The following SH3BP2 variants were observed in gnomAD, a reference collection of about 807,000 sequenced individuals.
The protein encoded by SH3BP2 is SH3 domain-binding protein 2.
SH3BP2 carries 38 observed loss-of-function variants against 56.2 expected under a neutral mutation model. The ratio of observed to expected loss-of-function variants is 0.68; its 90% CI spans 0.52 to 0.89. The LOEUF is 0.89. Ranked by LOEUF, SH3BP2 falls within the 40% of genes least tolerant of loss-of-function variation. SH3BP2 has a pLI of 0.00. For synonymous variants in SH3BP2, 346 were observed against 316.7 expected (o/e 1.09, Z -0.98); for missense variants, 748 against 762.6 (o/e 0.98, Z 0.23).
chr4:2,834,808 T>C lies in SH3BP2; in HGVS notation c.*974T>C, dbSNP rs1445925712. 6.6e-6 allele frequency: 1 copy of C among 152,318 alleles called. No individual in the cohort carries two copies. The highest frequency in any genetic ancestry group is 2.1e-4 in the South Asian group (1 of 4,830). The allele number at this position is 152,318 out of a possible 1,614,324, so 9.4% of individuals were successfully genotyped here. ...GTTCACAGCCCAGTCTGGGGACAGCTGGGTATGAGGTGCTTACGGCACAGT... is the reference window on the plus strand; with the variant it reads ...GTTCACAGCCCAGTCTGGGGACAGCCGGGTATGAGGTGCTTACGGCACAGT... On this transcript the variant is annotated 3_prime_UTR_variant, in exon 13 of 13. Transcript: ENST00000503393.
intron 1 of SH3BP2, among the ~76,000 whole-genome samples, chr4:2,807,675 C>T (rs1051473743): frequency 2.0e-5 from 3 of 152,184 alleles, no homozygotes; most frequent in Non-Finnish European, 4.4e-5. Context: ...GGAAAGCAGG[C>T]GCCGCACCCC....
intron 1 of SH3BP2, chr4:2,799,103 G>A (rs1043862538): frequency 5.1e-6 from 5 of 985,446 alleles, no homozygotes; most frequent in Non-Finnish European, 6.0e-6. Flanking sequence ...CCCGCCACCC[G>A]TACCCGCCCT....
In SH3BP2 at chr4:2,834,078, C is replaced by T; in HGVS notation, c.*244C>T. The T allele has an allele frequency of 1.9e-6, 1 of 530,478 alleles. No homozygotes were observed. The highest frequency in any genetic ancestry group is 3.4e-6 in the Non-Finnish European group (1 of 296,970). 32.9% of individuals were successfully genotyped at this position (530,478 alleles called of 1,614,324 possible). A position where few individuals can be genotyped will look rare whatever the true frequency, so the allele number is the denominator to read the frequency against. The stretch of plus-strand genomic sequence containing the variant: ...GTTGCCCCACACTAACTTGCCCTGT[C>T]CCAATCCCAGAAACCCAGGACCAAG... On this transcript the variant is annotated 3_prime_UTR_variant, in exon 13 of 13. Coordinates refer to ENST00000503393, the MANE Select transcript of SH3BP2 (RefSeq NM_001122681.2).
At chr4:2,800,557 C>CG (rs966569636) in intron 1 of SH3BP2, among the ~76,000 whole-genome samples, 4 of 151,984 alleles carry the variant, frequency 2.6e-5, no homozygotes, top group South Asian at 2.1e-4. Context: ...CCGCCCCCCC[C>CG]CCGGGCTGAT....
chr4:2,813,391 T>C (rs1392328041), intron 1 of SH3BP2, among the ~76,000 whole-genome samples: 1 of 152,202 alleles, frequency 6.6e-6, no homozygotes, highest in Non-Finnish European at 1.5e-5. Flanking sequence ...TGTTGGATGA[T>C]GGGGCGATCA....
At chr4:2,821,533 A>C (rs1724304832) in intron 2 of SH3BP2, among the ~76,000 whole-genome samples, 1 of 152,160 alleles carries the variant, frequency 6.6e-6, no homozygotes, top group Non-Finnish European at 1.5e-5. Flanking sequence ...TCTCACTGGC[A>C]AACTCTCCGG....
rs1259759373 is a variant in SH3BP2, at chr4:2,829,671, G to A, written c.765G>A (p.Lys255=). Residue 255 remains lysine (K), a synonymous_variant, in exon 8 of 13, where the codon AAG becomes AAA. Transcript: ENST00000503393. The surrounding 1 kb of genome is among the most constrained non-coding windows in gnomAD (Gnocchi z 4.9). ...TTGGCCTGGCTGCTGAGGACTCCAA[G>A]AGGGACCCACTGTGCCCGAGGCGGG... The part of the protein sequence containing the change: ...PDVGLAAEDS[K]RDPLCPRRAE... The A allele has an allele frequency of 3.1e-6, 5 of 1,613,020 alleles. No individual in the cohort carries two copies. The highest frequency in any genetic ancestry group is 1.1e-5 in the South Asian group (1 of 91,078).
chr4:2,804,152 G>T (rs571349183), intron 1 of SH3BP2, among the ~76,000 whole-genome samples: 2 of 152,140 alleles, frequency 1.3e-5, no homozygotes, highest in African/African-American at 2.4e-5. Flanking sequence ...CAGCTGCCTG[G>T]TGGGTTCCAC....
In SH3BP2 at chr4:2,799,104, T is replaced by TACCCGC. The variant is rs1486986700; in HGVS notation, c.-5+5967_-5+5972dup. On this transcript the variant is annotated intron_variant, in intron 1 of 12. Coordinates refer to ENST00000503393, the MANE Select transcript of SH3BP2 (RefSeq NM_001122681.2). ...AGCCTCAGCCTCCACCCGCCACCCG[T>TACCCGC]ACCCGCCCTGCCTCAGGACTTCGTT... 4 of 985,490 alleles carry TACCCGC rather than the reference T, an allele frequency of 4.1e-6. No homozygotes were observed. In the Admixed American group the frequency reaches 2.5e-4, roughly 61 times the overall value. 61.0% of individuals were successfully genotyped at this position (985,490 alleles called of 1,614,324 possible). A position where few individuals can be genotyped will look rare whatever the true frequency, so the allele number is the denominator to read the frequency against.
intron 3 of SH3BP2, chr4:2,823,385 C>A (rs953572173): frequency 8.5e-6 from 4 of 471,980 alleles, no homozygotes; most frequent in Non-Finnish European, 1.7e-5. Context: ...CCACCATGAC[C>A]TCTTTCCAGG....
At chr4:2,832,205 C>A in intron 10 of SH3BP2, 126 bp from the exon 11 acceptor site, 1 of 1,027,470 alleles carries the variant, frequency 9.7e-7, no homozygotes, top group Non-Finnish European at 1.5e-6. Context: ...GGCAGCCCGA[C>A]GTGCTCAGCT....
At chr4:2,827,027 G>A in intron 5 of SH3BP2, 1 of 686,770 alleles carries the variant, frequency 1.5e-6, no homozygotes, top group East Asian at 2.8e-5. Context: ...ATGTGTGCAT[G>A]TGTGTGTCTG....
intron 3 of SH3BP2, 63 bp downstream of exon 3, chr4:2,823,100 G>T: frequency 8.3e-7 from 1 of 1,207,812 alleles, no homozygotes; most frequent in East Asian, 2.4e-5. Flanking sequence ...TCCCAGCAGA[G>T]CCCCAGCTGG....
At position 2,824,480 on chromosome 4, in the gene SH3BP2, C is replaced by T. The variant is rs1450782543; in HGVS notation, c.240-133C>T. On this transcript the variant is annotated intron_variant, in intron 3 of 12. Coordinates refer to ENST00000503393, the MANE Select transcript of SH3BP2 (RefSeq NM_001122681.2). ...GCTCACTACTGGGAGCATCAGCAGC[C>T]AGGGCCCACCCGATCTGCCCTCTTC... is the stretch of plus-strand genomic sequence containing the variant. 6.3e-6 allele frequency: 4 copies of T among 634,008 alleles called. No homozygotes were observed. The East Asian group carries it at 8.0e-5, about 13-fold the overall frequency. 39.3% of individuals were successfully genotyped at this position (634,008 alleles called of 1,614,324 possible). A position where few individuals can be genotyped will look rare whatever the true frequency, so the allele number is the denominator to read the frequency against.
At position 2,804,245 on chromosome 4, in the gene SH3BP2, G is replaced by A. The variant is rs149479317; in HGVS notation, c.-5+11107G>A. ...GAGTCTCTGCGGATGCGTGGACCCC[G>A]CCCTCTGTGCAGCCTCAGCACTAAG... On this transcript the variant is annotated intron_variant, in intron 1 of 12. Transcript: ENST00000503393. Among the ~76,000 whole-genome samples, 65 of 152,296 alleles carry A rather than the reference G, an allele frequency of 4.3e-4. 1 individual carries two copies. The East Asian group carries it at 0.012, about 29-fold the overall frequency.
chr4:2,826,741 C>T (rs938935757), intron 5 of SH3BP2: 29 of 362,842 alleles, frequency 8.0e-5, no homozygotes, highest in African/African-American at 5.2e-4. Context: ...TGTGCATGTC[C>T]GCGTGTTGCT....
intron 2 of SH3BP2, 76 bp downstream of exon 2, chr4:2,820,829 C>A (rs1399462785): frequency 7.5e-6 from 11 of 1,459,448 alleles, no homozygotes; most frequent in Middle Eastern, 2.2e-4. Context: ...AGCATCCTCT[C>A]CAAGCCTCTG....
intron 12 of SH3BP2, 155 bp from the exon 13 acceptor site, chr4:2,833,542 G>A: frequency 1.1e-6 from 1 of 882,012 alleles, no homozygotes; most frequent in Non-Finnish European, 1.8e-6. Context: ...CAGGCCTGAT[G>A]CGGAGGCCAC....
chr4:2,815,626 C>G lies in SH3BP2; in HGVS notation c.-4-4988C>G, dbSNP rs542799417. 1.4e-3 allele frequency among the ~76,000 whole-genome samples: 214 copies of G among 152,352 alleles called. 2 individuals are homozygous for G. The highest frequency in any genetic ancestry group is 4.6e-3 in the African/African-American group (190 of 41,584). ...CCATCTGTCCTCACAGTGGCTCCTC[C>G]CACTTTGACACACAGGCCAGGTCTT... On this transcript the variant is annotated intron_variant, in intron 1 of 12. Transcript: ENST00000503393.
Sources: allele counts gnomAD v4.1 joint callset (sites outside exome capture counted in the v4.1 genomes callset), GRCh38; gene constraint gnomAD v4.1.1; non-coding constraint Gnocchi (gnomAD v3.1); transcripts MANE v1.5; gene names NCBI Gene and HGNC (gene_info 2026-07-23, HGNC 2026-07-21).